The following SPEG variants were observed in gnomAD, a reference collection of about 807,000 sequenced individuals.
SPEG encodes striated muscle preferentially expressed protein kinase.
Under a neutral mutation model 300.4 loss-of-function variants are expected in SPEG, and 114 were observed. The observed-to-expected ratio is 0.38, with a 90% CI of 0.33 to 0.44. The LOEUF is 0.44. Among genes scored for constraint, SPEG ranks in the 20% least tolerant of loss-of-function variants. The pLI is 1.00. For synonymous variants in SPEG, 1,964 were observed against 2,018.9 expected (o/e 0.97, Z 0.73); for missense variants, 4,201 against 4,586.2 (o/e 0.92, Z 2.43).
Position 219,467,374 on chromosome 2 carries a change from C to G in SPEG, c.3082C>G (p.Leu1028Val). ...CGATGGCCGCAAATGCAAGCTGCTA[C>G]TTACATCTGTACATGAGGACGACAG... is the stretch of plus-strand genomic sequence containing the variant. Reference protein sequence around the residue: ...HFDGRKCKLLLTSVHEDDSGV... With the variant: ...HFDGRKCKLLVTSVHEDDSGV... The change falls in exon 10 of 41, where the codon CTT (leucine) becomes GTT (valine). Residue 1028 changes from leucine (L) to valine (V), a missense_variant. This residue lies in a region of SPEG where 1,047 missense variants were observed against 1,356.8 expected (regional missense o/e 0.77). Transcript: ENST00000312358. 1.2e-6 allele frequency: 2 copies of G among 1,612,608 alleles called. No homozygotes were observed. The highest frequency in any genetic ancestry group is 1.7e-6 in the Non-Finnish European group (2 of 1,179,994).
chr2:219,464,533 G>A lies in SPEG; in HGVS notation c.2806G>A (p.Asp936Asn), dbSNP rs1691075990. The A allele has an allele frequency of 1.2e-6, 2 of 1,614,266 alleles. No individual in the cohort carries two copies. The highest frequency in any genetic ancestry group is 8.5e-7 in the Non-Finnish European group (1 of 1,180,048). ...GCGGATCCTGGCTGCAGAGCGTGGC[G>A]ATGCTGGTTTCTACACTTGCAAAGC... Reference protein sequence around the residue: ...RLRILAAERGDAGFYTCKAVN... With the variant: ...RLRILAAERGNAGFYTCKAVN... Residue 936 changes from aspartate to asparagine, a missense_variant, in exon 9 of 41, where the codon GAT becomes AAT. Asp to Asn is a conservative substitution (Grantham distance 23). Transcript: ENST00000312358. This position sits in a 1 kb window ranked among gnomAD's most constrained non-coding sequence, Gnocchi z 4.5.
chr2:219,448,670 C>A lies in SPEG; in HGVS notation c.1512C>A (p.Ser504=). The A allele has an allele frequency of 6.7e-7, 1 of 1,492,586 alleles. No individual in the cohort carries two copies. Among genetic ancestry groups the A allele is most frequent in the Non-Finnish European group, 8.9e-7 (1 of 1,129,282 alleles). The allele number at this position is 1,492,586 out of a possible 1,614,324, so 92.5% of individuals were successfully genotyped here. A position where few individuals can be genotyped will look rare whatever the true frequency, so the allele number is the denominator to read the frequency against. The change falls in exon 4 of 41, where the codon TCC becomes TCA. Residue 504 remains serine, a synonymous_variant. Coordinates refer to ENST00000312358, the MANE Select transcript of SPEG (RefSeq NM_005876.5). ...AGGAGCTGGGCCGCATCCGCCGCTC[C>A]ACGTCGCGGGAGGAGCTGGTGCGCT... ...FAQELGRIRR[S]TSREELVRSH... is the part of the protein sequence containing the mutation.
rs753034498 is a variant in SPEG, at chr2:219,491,848, C to T, written c.9440C>T (p.Ala3147Val). The T allele has an allele frequency of 1.5e-5, 24 of 1,610,742 alleles. 1 individual carries two copies. The highest frequency in any genetic ancestry group is 1.6e-4 in the Middle Eastern group (1 of 6,076). Residue 3147 changes from alanine (A) to valine (V), a missense_variant, in exon 39 of 41, where the codon GCG becomes GTG. Physicochemically the swap from Ala to Val is moderately conservative, Grantham distance 64. Coordinates refer to ENST00000312358, the MANE Select transcript of SPEG (RefSeq NM_005876.5). ...PIGSATDIWG[A>V]GVLTYIMLSG... ...GGCTCTGCCACGGACATCTGGGGAG[C>T]GGGTGTGCTCACTTACATTATGTGA... is the stretch of plus-strand genomic sequence containing the variant.
intron 15 of SPEG, 144 bp from the exon 16 acceptor site, chr2:219,472,746 G>T (rs1054470874): frequency 6.1e-6 from 4 of 658,734 alleles, no homozygotes; most frequent in Non-Finnish European, 7.7e-6. Context: ...AAGAGCAGAT[G>T]GGGGGACAGG....
rs771876669 is a variant in SPEG, at chr2:219,473,119, G to T, written c.4147+23G>T. 4.4e-6 allele frequency: 7 copies of T among 1,606,064 alleles called. No individual in the cohort carries two copies. The highest frequency in any genetic ancestry group is 1.1e-5 in the South Asian group (1 of 90,444). On this transcript the variant is annotated intron_variant, in intron 16 of 40. Coordinates refer to ENST00000312358, the MANE Select transcript of SPEG (RefSeq NM_005876.5). The surrounding 1 kb of genome is among the most constrained non-coding windows in gnomAD (Gnocchi z 4.6). ...ACGGTGAGCCTGGGTGCTCCTGTCG[G>T]GTGGGGGTGGGAGCTGCTGGGATGG...
In SPEG at chr2:219,451,413, C is replaced by T; in HGVS notation, c.2257+134C>T. 1.5e-6 allele frequency: 2 copies of T among 1,307,628 alleles called. No homozygotes were observed. Among genetic ancestry groups the T allele is most frequent in the Non-Finnish European group, 2.0e-6 (2 of 979,606 alleles). The allele number at this position is 1,307,628 out of a possible 1,614,324, so 81.0% of individuals were successfully genotyped here. ...AATTATCCCCTCCACGGGGGCTGCC[C>T]TGACTTGGGTGTGTGTTCAGGGACA... On this transcript the variant is annotated intron_variant, in intron 5 of 40. Transcript: ENST00000312358. The surrounding 1 kb of genome is among the most constrained non-coding windows in gnomAD (Gnocchi z 6.4).
Position 219,480,241 on chromosome 2 carries a change from T to G in SPEG, c.5342+101T>G. On this transcript the variant is annotated intron_variant, in intron 25 of 40. Coordinates refer to ENST00000312358, the MANE Select transcript of SPEG (RefSeq NM_005876.5). This position sits in a 1 kb window ranked among gnomAD's most constrained non-coding sequence, Gnocchi z 5.3. The stretch of plus-strand genomic sequence containing the variant: ...GGGAGATTTACCGAGCCTGAATTCC[T>G]CCTGAAGGTGGGCTGGAGGCATTGT... The G allele has an allele frequency of 7.6e-7, 1 of 1,313,780 alleles. No individual in the cohort carries two copies. The highest frequency in any genetic ancestry group is 1.1e-6 in the Non-Finnish European group (1 of 940,472). The allele number at this position is 1,313,780 out of a possible 1,614,324, so 81.4% of individuals were successfully genotyped here.
chr2:219,489,402 G>T lies in SPEG; in HGVS notation c.8384G>T (p.Arg2795Leu), dbSNP rs372559706. ...APVTSRPARARPPDSPTSLAP... is the reference protein window; with the variant it reads ...APVTSRPARALPPDSPTSLAP... Reference sequence around the variant, plus strand: ...GTCACCTCAAGGCCAGCCAGGGCCCGGCCTCCTGACTCTCCTACCTCACTG... The same window carrying T: ...GTCACCTCAAGGCCAGCCAGGGCCCTGCCTCCTGACTCTCCTACCTCACTG... Residue 2795 changes from arginine to leucine, a missense_variant, in exon 36 of 41, where the codon CGG becomes CTG. By Grantham distance (102) the Arg-to-Leu change is moderately radical (BLOSUM62 -2). This residue lies in a region of SPEG where 1,578 missense variants were observed against 1,506.0 expected (regional missense o/e 1.05). Transcript: ENST00000312358. The T allele has an allele frequency of 1.9e-6, 3 of 1,611,154 alleles. No homozygotes were observed. The highest frequency in any genetic ancestry group is 2.2e-5 in the South Asian group (2 of 90,976).
In SPEG at chr2:219,485,323, C is replaced by T. The variant is rs1306838952; in HGVS notation, c.7610-23C>T. On this transcript the variant is annotated intron_variant, in intron 30 of 40. Coordinates refer to ENST00000312358, the MANE Select transcript of SPEG (RefSeq NM_005876.5). ...CTTGCTGGTACTGACTGAACAAATA[C>T]TCACGGGCCTGAGTCTTCACAGCCC... 1.4e-5 allele frequency: 22 copies of T among 1,597,802 alleles called. No homozygotes were observed. The Admixed American group carries it at 3.9e-4, about 28-fold the overall frequency.
At chr2:219,488,930 G>C in intron 34 of SPEG, 30 bp downstream of exon 34, 1 of 1,584,598 alleles carries the variant, frequency 6.3e-7, no homozygotes, top group East Asian at 2.3e-5. Flanking sequence ...AGGGTTGGGG[G>C]AGCGGCAGGG....
Position 219,488,362 on chromosome 2 carries a change from C to T in SPEG, c.7858+52C>T, listed in dbSNP as rs747027807. 8 of 1,533,454 alleles carry T rather than the reference C, an allele frequency of 5.2e-6. No individual in the cohort carries two copies. The Admixed American group carries it at 7.2e-5, about 14-fold the overall frequency. The allele number at this position is 1,533,454 out of a possible 1,614,324, so 95.0% of individuals were successfully genotyped here. On this transcript the variant is annotated intron_variant, in intron 32 of 40. Coordinates refer to ENST00000312358, the MANE Select transcript of SPEG (RefSeq NM_005876.5). The stretch of plus-strand genomic sequence containing the variant: ...AGGGAGGCCAGCAAGTGGCCCTGAG[C>T]CCAGGGGATGGGAGGGGCTAGGCCG...
intron 22 of SPEG, among the ~76,000 whole-genome samples, chr2:219,478,778 G>T (rs1575153361): frequency 6.6e-6 from 1 of 152,180 alleles, no homozygotes; most frequent in Non-Finnish European, 1.5e-5. Flanking sequence ...ATAGAGTCAA[G>T]AAGTTCCATC....
intron 4 of SPEG, among the ~76,000 whole-genome samples, chr2:219,450,500 G>A (rs1432838986): frequency 6.6e-6 from 1 of 152,208 alleles, no homozygotes; most frequent in Non-Finnish European, 1.5e-5. Flanking sequence ...GTATGTATGA[G>A]CTTCCTGTAA....
In SPEG at chr2:219,492,253, C is replaced by CATCCCTGGTGAGTGAGCCCCACACCTGCT; in HGVS notation, c.9610_9611+27dup. ...CTTCTTGCGAAAGGTTCTCTCTGTACATCCCTGGTGAGTGAGCCCCACACC... is the reference window on the plus strand; with the variant it reads ...CTTCTTGCGAAAGGTTCTCTCTGTACATCCCTGGTGAGTGAGCCCCACACCTGCTATCCCTGGTGAGTGAGCCCCACACC... On this transcript the variant is annotated stop_gained and frameshift_variant, in exon 40 of 41. Transcript: ENST00000312358. LOFTEE classifies it high-confidence loss of function. 6 of 1,613,218 alleles carry CATCCCTGGTGAGTGAGCCCCACACCTGCT rather than the reference C, an allele frequency of 3.7e-6. No homozygotes were observed. Among genetic ancestry groups the CATCCCTGGTGAGTGAGCCCCACACCTGCT allele is most frequent in the Non-Finnish European group, 5.1e-6 (6 of 1,179,652 alleles).
chr2:219,451,749 C>T lies in SPEG; in HGVS notation c.2382C>T (p.Ala794=). Residue 794 remains alanine, a synonymous_variant, in exon 6 of 41, where the codon GCC becomes GCT. Coordinates refer to ENST00000312358, the MANE Select transcript of SPEG (RefSeq NM_005876.5). The surrounding 1 kb of genome is among the most constrained non-coding windows in gnomAD (Gnocchi z 6.4). ...CAGCAGATGCCGGGAGCTATATGGC[C>T]ACCGCCACCAACGAGCTGGGCCAGG... is the stretch of plus-strand genomic sequence containing the variant. ...ARAADAGSYM[A]TATNELGQAT... is the part of the protein sequence containing the mutation. The T allele has an allele frequency of 6.4e-7, 1 of 1,558,310 alleles. No homozygotes were observed. The highest frequency in any genetic ancestry group is 2.4e-5 in the East Asian group (1 of 41,478).
rs377476081 is a variant in SPEG, at chr2:219,489,878, G to A, written c.8860G>A (p.Gly2954Ser). 295 of 1,606,210 alleles carry A rather than the reference G, an allele frequency of 1.8e-4. 3 individuals are homozygous for A. Among genetic ancestry groups the A allele is most frequent in the South Asian group, 1.5e-3 (133 of 90,808 alleles). The change falls in exon 36 of 41, where the codon GGT becomes AGT. Residue 2954 changes from glycine to serine, a missense_variant. Gly to Ser is a moderately conservative substitution (Grantham distance 56, BLOSUM62 0). Transcript: ENST00000312358. The part of the protein sequence containing the change: ...SSPRSSPRPE[G>S]TTLRQGPPQK... ...TCCCCGAAGCTCTCCCAGGCCTGAG[G>A]GTACCACTCTTCGACAGGGTCCCCC...
At chr2:219,472,449 A>G in intron 15 of SPEG, 118 bp downstream of exon 15, 1 of 861,074 alleles carries the variant, frequency 1.2e-6, no homozygotes. Flanking sequence ...GAGCTGATGG[A>G]ATGCTGGTGG....
In SPEG at chr2:219,448,126, G is replaced by A. The variant is rs762802955; in HGVS notation, c.968G>A (p.Gly323Glu). The change falls in exon 4 of 41, where the codon GGA becomes GAA. Residue 323 changes from glycine to glutamate, a missense_variant. By Grantham distance (98) the Gly-to-Glu change is moderately conservative. Coordinates refer to ENST00000312358, the MANE Select transcript of SPEG (RefSeq NM_005876.5). The part of the protein sequence containing the change: ...SPRVGKRSPP[G>E]PPAQPAATPT... ...CGGGTCGGGAAGCGGTCCCCGCCGG[G>A]ACCCCCGGCCCAGCCCGCGGCCACC... is the stretch of plus-strand genomic sequence containing the variant. 6.2e-7 allele frequency: 1 copy of A among 1,604,668 alleles called. No homozygotes were observed. Among genetic ancestry groups the A allele is most frequent in the Non-Finnish European group, 8.5e-7 (1 of 1,175,742 alleles).
intron 6 of SPEG, among the ~76,000 whole-genome samples, chr2:219,452,170 A>AG (rs1689813054): frequency 6.6e-6 from 1 of 152,220 alleles, no homozygotes; most frequent in Admixed American, 6.5e-5. Context: ...CTCCGCTCAC[A>AG]GGGTTTAAGA....
Sources: allele counts gnomAD v4.1 joint callset (sites outside exome capture counted in the v4.1 genomes callset), GRCh38; gene constraint gnomAD v4.1.1; regional missense constraint gnomAD v4.1.1; non-coding constraint Gnocchi (gnomAD v3.1); transcripts MANE v1.5; gene names NCBI Gene and HGNC (gene_info 2026-07-23, HGNC 2026-07-21).